IGF1R: variants seen among roughly 807,000 people sequenced by gnomAD.
IGF1R encodes the protein insulin-like growth factor 1 receptor.
In IGF1R, 44 loss-of-function variants were observed where a neutral mutation model predicts 144.6. That is an observed-to-expected ratio of 0.30 (90% CI 0.24 to 0.39). The LOEUF is 0.39. IGF1R is among the 10% of genes least tolerant of loss of function. The pLI is 1.00. For synonymous variants in IGF1R, 795 were observed against 722.8 expected (o/e 1.10, Z -1.60); for missense variants, 1,355 against 1,833.7 (o/e 0.74, Z 4.77).
intron 1 of IGF1R, among the ~76,000 whole-genome samples, chr15:98,674,222 G>A (rs185895183): frequency 2.2e-4 from 33 of 152,268 alleles, no homozygotes; most frequent in Admixed American, 5.2e-4. Flanking sequence ...TACCCAAAAG[G>A]CAAAAACTAC....
intron 2 of IGF1R, among the ~76,000 whole-genome samples, chr15:98,886,018 A>T (rs1049800357): frequency 6.6e-6 from 1 of 152,024 alleles, no homozygotes; most frequent in Non-Finnish European, 1.5e-5. Flanking sequence ...GGGTTTCGCC[A>T]TGTTGGGCAG....
chr15:98,805,947 T>G lies in IGF1R; in HGVS notation c.641-85378T>G, dbSNP rs572778208. Among the ~76,000 whole-genome samples the G allele has an allele frequency of 9.9e-5, 15 of 152,240 alleles. 1 individual carries two copies. The South Asian group carries it at 2.3e-3, about 23-fold the overall frequency. On this transcript the variant is annotated intron_variant, in intron 2 of 20. Coordinates refer to ENST00000650285, the MANE Select transcript of IGF1R (RefSeq NM_000875.5). ...GCACAGACTCCACAGGGATGAGGGT[T>G]CAGTCCCACGAGTCTGCCCTTGCTG...
chr15:98,921,672 G>A (rs1034305729), intron 10 of IGF1R, among the ~76,000 whole-genome samples: 2 of 152,142 alleles, frequency 1.3e-5, no homozygotes, highest in African/African-American at 4.8e-5. Flanking sequence ...GCAAATCCAA[G>A]GAGCCACCAC....
At chr15:98,845,925 T>G (rs1596353774) in intron 2 of IGF1R, among the ~76,000 whole-genome samples, 1 of 152,244 alleles carries the variant, frequency 6.6e-6, no homozygotes, top group Admixed American at 6.5e-5. Context: ...GTTCGAGATA[T>G]GAGCCTGATC....
intron 2 of IGF1R, among the ~76,000 whole-genome samples, chr15:98,744,198 G>A (rs556302036): frequency 6.6e-6 from 1 of 152,182 alleles, no homozygotes; most frequent in East Asian, 1.9e-4. Flanking sequence ...CAAGGGCCAG[G>A]TAGAGGATCA....
intron 20 of IGF1R, among the ~76,000 whole-genome samples, chr15:98,953,822 C>T (rs1056832503): frequency 5.9e-5 from 9 of 152,136 alleles, no homozygotes; most frequent in African/African-American, 1.7e-4. Context: ...TTTTTCCCAT[C>T]GCTGGAATCC....
chr15:98,947,403 C>T (rs1294094420), intron 19 of IGF1R, among the ~76,000 whole-genome samples: 1 of 152,184 alleles, frequency 6.6e-6, no homozygotes, highest in African/African-American at 2.4e-5. Context: ...ATCTCCTGCC[C>T]CAGGTTTTTC....
At chr15:98,685,926 C>T (rs535185785) in intron 1 of IGF1R, among the ~76,000 whole-genome samples, 69 of 152,318 alleles carry the variant, frequency 4.5e-4, no homozygotes, top group Non-Finnish European at 7.2e-4. Context: ...TTTAAATGTA[C>T]GAGTTCAGTG....
chr15:98,957,249 C>A lies in IGF1R; in HGVS notation c.3911C>A (p.Pro1304His). ...GAGCCAGAGAACATGGAGAGCGTCC[C>A]CCTGGACCCCTCGGCCTCCTCGTCC... ...DLEPENMESVPLDPSASSSSL... is the reference protein window; with the variant it reads ...DLEPENMESVHLDPSASSSSL... The change falls in exon 21 of 21, where the codon CCC becomes CAC. Residue 1304 changes from proline (P) to histidine (H), a missense_variant. Pro to His is a moderately conservative substitution (Grantham distance 77). Coordinates refer to ENST00000650285, the MANE Select transcript of IGF1R (RefSeq NM_000875.5). The A allele has an allele frequency of 6.2e-7, 1 of 1,614,168 alleles. No individual in the cohort carries two copies. Among genetic ancestry groups the A allele is most frequent in the Non-Finnish European group, 8.5e-7 (1 of 1,180,030 alleles).
chr15:98,943,963 A>G (rs1442515067), intron 19 of IGF1R, among the ~76,000 whole-genome samples: 1 of 152,186 alleles, frequency 6.6e-6, no homozygotes, highest in Non-Finnish European at 1.5e-5. Context: ...TGGAAATAGC[A>G]TTTGAATATG....
At chr15:98,741,339 C>T (rs1258987396) in intron 2 of IGF1R, among the ~76,000 whole-genome samples, 5 of 145,676 alleles carry the variant, frequency 3.4e-5, no homozygotes, top group African/African-American at 5.1e-5. Flanking sequence ...TTAGATGCTA[C>T]GTATAGAAGT....
At chr15:98,896,015 G>A (rs2014176685) in intron 3 of IGF1R, among the ~76,000 whole-genome samples, 1 of 151,934 alleles carries the variant, frequency 6.6e-6, no homozygotes, top group African/African-American at 2.4e-5. Flanking sequence ...CAGGAAAAGT[G>A]CCAGTCTTAC....
At chr15:98,811,098 C>G (rs1490517604) in intron 2 of IGF1R, among the ~76,000 whole-genome samples, 2 of 151,500 alleles carry the variant, frequency 1.3e-5, no homozygotes, top group African/African-American at 4.8e-5. Flanking sequence ...GTCAGGAGTT[C>G]GAAACCAGCC....
intron 2 of IGF1R, among the ~76,000 whole-genome samples, chr15:98,825,317 A>G (rs2056873177): frequency 2.0e-5 from 3 of 152,196 alleles, no homozygotes; most frequent in Admixed American, 2.0e-4. Context: ...ACAGATGCTC[A>G]AGTCCCTTTT....
At chr15:98,731,735 C>G (rs566128527) in intron 2 of IGF1R, among the ~76,000 whole-genome samples, 1 of 152,354 alleles carries the variant, frequency 6.6e-6, no homozygotes, top group African/African-American at 2.4e-5. Flanking sequence ...GCTGTGTTAG[C>G]TCTTCTCTGG....
chr15:98,930,481 A>G (rs1320884744), intron 15 of IGF1R, among the ~76,000 whole-genome samples, 176 bp downstream of exon 15: 1 of 151,672 alleles, frequency 6.6e-6, no homozygotes, highest in Admixed American at 6.6e-5. Flanking sequence ...CAAAGTTTTT[A>G]GCAGTTCAGT....
chr15:98,835,989 C>T (rs1463791392), intron 2 of IGF1R, among the ~76,000 whole-genome samples: 2 of 152,060 alleles, frequency 1.3e-5, no homozygotes, highest in East Asian at 1.9e-4. Flanking sequence ...GTTCTCTTTC[C>T]CCAATGTCAG....
intron 1 of IGF1R, chr15:98,660,243 T>G (rs1026015778): frequency 2.6e-5 from 4 of 152,288 alleles, no homozygotes; most frequent in Admixed American, 6.5e-5. Context: ...GAAGCCCCTC[T>G]GCTTGGAATA....
intron 2 of IGF1R, among the ~76,000 whole-genome samples, chr15:98,884,899 A>C (rs1035421839): frequency 6.6e-6 from 1 of 152,062 alleles, no homozygotes; most frequent in African/African-American, 2.4e-5. Context: ...AGGCTGTTCC[A>C]GGCTCTCCCT....
Sources: allele counts gnomAD v4.1 joint callset (sites outside exome capture counted in the v4.1 genomes callset), GRCh38; gene constraint gnomAD v4.1.1; transcripts MANE v1.5; gene names NCBI Gene and HGNC (gene_info 2026-07-23, HGNC 2026-07-21).